The following SLC2A13 variants were observed in gnomAD, a reference collection of about 807,000 sequenced individuals.
SLC2A13 encodes the protein solute carrier family 2 member 13.
A neutral mutation model predicts 64.4 loss-of-function variants in SLC2A13; 32 were observed. The observed-to-expected ratio is 0.50, with a 90% confidence interval of 0.37 to 0.67. The LOEUF (loss-of-function observed/expected upper bound fraction) is 0.67, where lower values mean the gene tolerates loss of function less well. SLC2A13 is among the 30% of genes least tolerant of loss of function. SLC2A13 has a pLI of 0.00. For synonymous variants in SLC2A13, 338 were observed against 327.1 expected (o/e 1.03, Z -0.36); for missense variants, 743 against 829.2 (o/e 0.90, Z 1.28).
At chr12:40,042,137 T>C (rs1447977859) in intron 2 of SLC2A13, among the ~76,000 whole-genome samples, 1 of 152,210 alleles carries the variant, frequency 6.6e-6, no homozygotes, top group East Asian at 1.9e-4. Flanking sequence ...TCAATACCTA[T>C]ATTACATCAA....
chr12:39,912,712 C>A (rs992330755), intron 4 of SLC2A13, among the ~76,000 whole-genome samples: 1 of 152,032 alleles, frequency 6.6e-6, no homozygotes, highest in Non-Finnish European at 1.5e-5. Context: ...AATATCCTGG[C>A]AGCTCTGGAG....
chr12:39,794,672 C>A (rs549874719), intron 7 of SLC2A13, among the ~76,000 whole-genome samples: 5 of 152,316 alleles, frequency 3.3e-5, no homozygotes, highest in Middle Eastern at 3.4e-3. Flanking sequence ...TTTCCTTTTT[C>A]TGTCCACAAA....
intron 3 of SLC2A13, among the ~76,000 whole-genome samples, chr12:39,999,253 A>C (rs1182650216): frequency 2.6e-5 from 4 of 152,136 alleles, no homozygotes; most frequent in African/African-American, 4.8e-5. Context: ...AATAACAGCG[A>C]TTTTAGGGAA....
intron 4 of SLC2A13, among the ~76,000 whole-genome samples, chr12:39,942,974 T>C (rs1946063850): frequency 6.6e-6 from 1 of 152,222 alleles, no homozygotes; most frequent in Non-Finnish European, 1.5e-5. Context: ...TTGATGCTAT[T>C]CCTTTCTGTT....
intron 2 of SLC2A13, 150 bp from the exon 3 acceptor site, chr12:40,028,659 G>A: frequency 1.5e-6 from 1 of 688,556 alleles, no homozygotes; most frequent in Non-Finnish European, 2.3e-6. Flanking sequence ...CTGTCACTAG[G>A]AAAAAAGGAT....
intron 1 of SLC2A13, among the ~76,000 whole-genome samples, chr12:40,061,198 A>G (rs776716368): frequency 6.6e-6 from 1 of 152,256 alleles, no homozygotes; most frequent in Non-Finnish European, 1.5e-5. Flanking sequence ...AGCATAAATA[A>G]GCTGGGAAAG....
chr12:40,029,439 T>A (rs1947872151), intron 2 of SLC2A13, among the ~76,000 whole-genome samples: 1 of 152,196 alleles, frequency 6.6e-6, no homozygotes, highest in African/African-American at 2.4e-5. Flanking sequence ...TAGGGTAGAT[T>A]CCTAACAATA....
At chr12:39,898,614 A>G (rs139723698) in intron 4 of SLC2A13, among the ~76,000 whole-genome samples, 34 of 152,286 alleles carry the variant, frequency 2.2e-4, no homozygotes, top group Middle Eastern at 3.4e-3. Context: ...CAAATTGAAG[A>G]ATCAGACTCA....
chr12:40,022,886 C>A (rs1047733061), intron 3 of SLC2A13, among the ~76,000 whole-genome samples: 3 of 151,994 alleles, frequency 2.0e-5, no homozygotes, highest in Non-Finnish European at 4.4e-5. Flanking sequence ...GAATTCACCC[C>A]TCCCCCCCCA....
At chr12:39,848,299 C>T (rs1287003782) in intron 6 of SLC2A13, among the ~76,000 whole-genome samples, 2 of 151,978 alleles carry the variant, frequency 1.3e-5, no homozygotes, top group Non-Finnish European at 2.9e-5. Flanking sequence ...GTCTAATATC[C>T]AGCATTTATA....
intron 4 of SLC2A13, among the ~76,000 whole-genome samples, chr12:39,929,529 C>T (rs1043465276): frequency 1.3e-5 from 2 of 150,068 alleles, no homozygotes; most frequent in African/African-American, 4.9e-5. Flanking sequence ...CCAGCCTGGG[C>T]GACAGAGTGA....
At chr12:39,947,394 T>C (rs1348247166) in intron 4 of SLC2A13, among the ~76,000 whole-genome samples, 1 of 152,342 alleles carries the variant, frequency 6.6e-6, no homozygotes, top group Non-Finnish European at 1.5e-5. Flanking sequence ...TATCTGCTTA[T>C]CAGAATATAC....
chr12:39,837,168 C>T (rs926291507), intron 6 of SLC2A13, among the ~76,000 whole-genome samples: 4 of 134,470 alleles, frequency 3.0e-5, no homozygotes, highest in Admixed American at 1.6e-4. Context: ...CAGAACAGAG[C>T]CCTCAGAAAT....
intron 3 of SLC2A13, among the ~76,000 whole-genome samples, chr12:39,953,541 T>C (rs531119113): frequency 4.8e-4 from 73 of 152,314 alleles, no homozygotes; most frequent in African/African-American, 1.7e-3. Context: ...GTACATTAAT[T>C]GGCTGAATGT....
At chr12:39,902,825 T>C (rs1338631312) in intron 4 of SLC2A13, among the ~76,000 whole-genome samples, 3 of 152,118 alleles carry the variant, frequency 2.0e-5, no homozygotes, top group African/African-American at 4.8e-5. Flanking sequence ...GTGAGTGGCA[T>C]AGCAGTCTCA....
intron 3 of SLC2A13, among the ~76,000 whole-genome samples, chr12:40,007,702 CTCTA>C (rs1473298439): frequency 6.6e-6 from 1 of 152,180 alleles, no homozygotes; most frequent in Non-Finnish European, 1.5e-5. Context: ...TTGTTAACTT[CTCTA>C]TCAATTTTTA....
chr12:39,837,717 A>G (rs1341445032), intron 6 of SLC2A13, among the ~76,000 whole-genome samples: 3 of 152,352 alleles, frequency 2.0e-5, no homozygotes, highest in East Asian at 1.9e-4. Context: ...AGACATTTAT[A>G]CAACCAAAAA....
rs1472978095 is a variant in SLC2A13, at chr12:40,028,658, G to C, written c.717-149C>G. 5.8e-6 allele frequency: 4 copies of C among 686,406 alleles called. 1 individual carries two copies. Among genetic ancestry groups the C allele is most frequent in the Admixed American group, 6.5e-5 (2 of 30,714 alleles). The allele number at this position is 686,406 out of a possible 1,614,324, so 42.5% of individuals were successfully genotyped here. ...GCATTTATGTGTGTGTCTGTCACTA[G>C]GAAAAAAGGATATTTTTGTGCTGCA... On this transcript the variant is annotated intron_variant, in intron 2 of 9. Coordinates refer to ENST00000280871, the MANE Select transcript of SLC2A13 (RefSeq NM_052885.4).
chr12:39,965,243 T>G (rs1739324200), intron 3 of SLC2A13, among the ~76,000 whole-genome samples: 2 of 151,036 alleles, frequency 1.3e-5, no homozygotes, highest in African/African-American at 4.8e-5. Context: ...AAACACTCCC[T>G]TATGAGATCA....
Sources: allele counts gnomAD v4.1 joint callset (sites outside exome capture counted in the v4.1 genomes callset), GRCh38; gene constraint gnomAD v4.1.1; transcripts MANE v1.5; gene names NCBI Gene and HGNC (gene_info 2026-07-23, HGNC 2026-07-21).